BAZ1A: variants seen among roughly 807,000 people sequenced by gnomAD.
BAZ1A encodes the protein bromodomain adjacent to zinc finger domain protein 1A.
BAZ1A carries 50 observed loss-of-function variants against 185.2 expected under a neutral mutation model. That is an observed-to-expected ratio of 0.27 (90% confidence interval 0.22 to 0.34). BAZ1A has a LOEUF of 0.34. Among genes scored for constraint, BAZ1A ranks in the 10% least tolerant of loss-of-function variants. BAZ1A has a pLI of 1.00. For synonymous variants in BAZ1A, 571 were observed against 615.6 expected, an observed-to-expected ratio of 0.93 and a Z score of 1.07; for missense variants, 1,356 against 1,839.9, an observed-to-expected ratio of 0.74 and a Z score of 4.81.
At chr14:34,872,912 C>CT (rs2042971806) in intron 2 of BAZ1A, among the ~76,000 whole-genome samples, 1 of 35,084 alleles carries the variant, frequency 2.9e-5, no homozygotes, top group South Asian at 1.2e-3. Context: ...CTTTAAAATC[C>CT]TAAAAAAAAA....
chr14:34,875,243 C>A lies in BAZ1A; in HGVS notation c.-164G>T. ...GCCTCTCTCCGGCCCCGCCGCGCCC[C>A]TGGCTGCCGCTTCTCCCGCTGCCAC... On this transcript the variant is annotated 5_prime_UTR_variant, in exon 1 of 27. In the 5' UTR this introduces an upstream ATG that the reference lacks. Transcript: ENST00000360310. 2.2e-6 allele frequency: 1 copy of A among 454,232 alleles called. No homozygotes were observed. Among genetic ancestry groups the A allele is most frequent in the Non-Finnish European group, 4.4e-6 (1 of 226,182 alleles). The allele number at this position is 454,232 out of a possible 1,614,324, so 28.1% of individuals were successfully genotyped here.
intron 3 of BAZ1A, among the ~76,000 whole-genome samples, chr14:34,829,746 C>T (rs2138725135): frequency 6.6e-6 from 1 of 152,260 alleles, no homozygotes; most frequent in East Asian, 1.9e-4. Flanking sequence ...AAAAATTCCA[C>T]CTCTATTTTT....
intron 3 of BAZ1A, among the ~76,000 whole-genome samples, chr14:34,856,064 C>G (rs1270479799): frequency 6.6e-6 from 1 of 152,032 alleles, no homozygotes; most frequent in Admixed American, 6.6e-5. Context: ...TAATAACAAG[C>G]CAAAAGAAAA....
chr14:34,857,093 G>A (rs746600781), intron 3 of BAZ1A, among the ~76,000 whole-genome samples: 78 of 147,146 alleles, frequency 5.3e-4, no homozygotes, highest in Non-Finnish European at 1.1e-3. Context: ...TGCAAGCTCC[G>A]CCTCCCAGGT....
At chr14:34,856,196 C>T (rs2042673885) in intron 3 of BAZ1A, among the ~76,000 whole-genome samples, 1 of 152,010 alleles carries the variant, frequency 6.6e-6, no homozygotes, top group African/African-American at 2.4e-5. Context: ...CAATGCCACA[C>T]TGAACTTGGA....
intron 12 of BAZ1A, among the ~76,000 whole-genome samples, chr14:34,792,377 CCAT>C (rs904498952): frequency 6.2e-5 from 9 of 145,978 alleles, no homozygotes; most frequent in Admixed American, 6.1e-4. Flanking sequence ...GAGCGAAACT[CCAT>C]CTCAAAAAAA....
intron 6 of BAZ1A, among the ~76,000 whole-genome samples, chr14:34,805,927 G>A (rs970595521): frequency 9.2e-5 from 14 of 151,390 alleles, no homozygotes; most frequent in Non-Finnish European, 1.6e-4. Flanking sequence ...TGTTGCCCAG[G>A]CTGGAGTGCA....
intron 21 of BAZ1A, chr14:34,768,727 C>A (rs1427508541): frequency 2.3e-6 from 1 of 428,038 alleles, no homozygotes; most frequent in Non-Finnish European, 4.6e-6. Flanking sequence ...CTCTCTTTTT[C>A]TTGTCCTTTT....
At chr14:34,856,212 T>C (rs2042674380) in intron 3 of BAZ1A, among the ~76,000 whole-genome samples, 1 of 152,146 alleles carries the variant, frequency 6.6e-6, no homozygotes, top group African/African-American at 2.4e-5. Context: ...TTGGATGCTC[T>C]TGAGTTACCT....
Position 34,790,917 on chromosome 14 carries a change from G to A in BAZ1A, c.1510+1858C>T, listed in dbSNP as rs143810979. ...AGGCGGGCAGACCCTGAGGTCGGGA[G>A]TTCGAGACCAGCCTCACCAACATGG... is the stretch of plus-strand genomic sequence containing the variant. On this transcript the variant is annotated intron_variant, in intron 12 of 26. Transcript: ENST00000360310. Among the ~76,000 whole-genome samples, 913 of 152,240 alleles carry A rather than the reference G, an allele frequency of 6.0e-3. 6 individuals are homozygous for A. Among genetic ancestry groups the A allele is most frequent in the African/African-American group, 0.02 (842 of 41,542 alleles).
intron 4 of BAZ1A, among the ~76,000 whole-genome samples, chr14:34,819,082 A>G (rs1272668183): frequency 1.5e-5 from 2 of 132,648 alleles, no homozygotes. Flanking sequence ...CGGAGCTTGC[A>G]GTGAGCTGAG....
chr14:34,753,811 T>G, intron 26 of BAZ1A, 107 bp from the exon 27 acceptor site: 2 of 1,000,390 alleles, frequency 2.0e-6, no homozygotes, highest in Non-Finnish European at 2.8e-6. Context: ...GGAAGCCCAC[T>G]TTTTTCTTTA....
At chr14:34,828,626 T>G (rs1030928827) in intron 3 of BAZ1A, 1 of 152,230 alleles carries the variant, frequency 6.6e-6, no homozygotes, top group Admixed American at 6.5e-5. Flanking sequence ...TTCATAATTG[T>G]TCATATTCTG....
At chr14:34,798,130 G>A (rs10146956) in intron 9 of BAZ1A, among the ~76,000 whole-genome samples, 6,112 of 152,300 alleles carry the variant, frequency 0.04, 192 homozygotes, top group African/African-American at 0.082. Context: ...GGGGGCGTCC[G>A]CCACTGCTGA....
intron 3 of BAZ1A, among the ~76,000 whole-genome samples, chr14:34,841,235 T>G (rs963635747): frequency 6.6e-6 from 1 of 152,188 alleles, no homozygotes; most frequent in Non-Finnish European, 1.5e-5. Context: ...ATTGCAAGCA[T>G]ATCTTTGGAG....
intron 3 of BAZ1A, among the ~76,000 whole-genome samples, chr14:34,848,944 G>C (rs2138783382): frequency 6.6e-6 from 1 of 152,258 alleles, no homozygotes; most frequent in South Asian, 2.1e-4. Flanking sequence ...CTCAGAAAAA[G>C]GCAATATTAC....
rs773344772 is a variant in BAZ1A at position 34,801,114 on chromosome 14, T to G, written c.941A>C (p.Gln314Pro). 4.3e-5 allele frequency: 69 copies of G among 1,598,256 alleles called. No homozygotes were observed. Among genetic ancestry groups the G allele is most frequent in the Non-Finnish European group, 5.8e-5 (68 of 1,174,774 alleles). The change falls in exon 8 of 27, where the codon CAA becomes CCA. Residue 314 changes from glutamine (Q) to proline (P), a missense_variant. Physicochemically the swap from Gln to Pro is moderately conservative, Grantham distance 76 (BLOSUM62 -1). Around this residue, in one of 7 missense-constraint regions of BAZ1A, gnomAD observed 332 missense variants for 395.3 expected, o/e 0.84. Coordinates refer to ENST00000360310, the MANE Select transcript of BAZ1A (RefSeq NM_013448.3). ...CTCACCCAGTGACTTCATTTCTTCT[T>G]GTTTCAAAAGTTTATCTCTTTCTTT... ...ATKERDKLLK[Q>P]EEMKSLAFEK... is the part of the protein sequence containing the mutation.
chr14:34,818,208 A>G (rs1392654047), intron 4 of BAZ1A, among the ~76,000 whole-genome samples: 2 of 152,252 alleles, frequency 1.3e-5, no homozygotes, highest in East Asian at 3.8e-4. Context: ...CCCTGAAAAC[A>G]TGCTAAGTGA....
At chr14:34,791,054 G>A (rs192447373) in intron 12 of BAZ1A, among the ~76,000 whole-genome samples, 3 of 152,112 alleles carry the variant, frequency 2.0e-5, no homozygotes, top group Non-Finnish European at 2.9e-5. Context: ...CCCGGGAGGC[G>A]GAGGTTACAG....
Sources: allele counts gnomAD v4.1 joint callset (sites outside exome capture counted in the v4.1 genomes callset), GRCh38; gene constraint gnomAD v4.1.1; regional missense constraint gnomAD v4.1.1; transcripts MANE v1.5; gene names NCBI Gene and HGNC (gene_info 2026-07-23, HGNC 2026-07-21).